The following PCDHGA3 variants were observed in gnomAD, a reference collection of about 807,000 sequenced individuals.
PCDHGA3 encodes protocadherin gamma-A3.
In PCDHGA3, 40 loss-of-function variants were observed where a neutral mutation model predicts 58.5. The ratio of observed to expected loss-of-function variants is 0.68; its 90% CI spans 0.53 to 0.89. PCDHGA3 has a LOEUF of 0.89. Ranked by LOEUF, PCDHGA3 falls within the 40% of genes least tolerant of loss-of-function variation. The pLI, the probability that PCDHGA3 is intolerant of heterozygous loss-of-function variation, is 0.00. For synonymous variants in PCDHGA3, 530 were observed against 525.7 expected, an observed-to-expected ratio of 1.01 and a Z score of -0.11; for missense variants, 1,223 against 1,195.9, an observed-to-expected ratio of 1.02 and a Z score of -0.33.
At chr5:141,504,135 C>G (rs758903340) in intron 2 of PCDHGA3, among the ~76,000 whole-genome samples, 215 of 152,306 alleles carry the variant, frequency 1.4e-3, no homozygotes, top group Middle Eastern at 3.4e-3. Context: ...CCCGCCAACA[C>G]TCCCCTGCAA....
intron 1 of PCDHGA3, among the ~76,000 whole-genome samples, chr5:141,434,824 A>ACTTG (rs1561875192): frequency 1.3e-5 from 2 of 151,888 alleles, no homozygotes; most frequent in African/African-American, 4.8e-5. Flanking sequence ...CCCTTAGTAC[A>ACTTG]CTTGGCATTT....
At chr5:141,495,164 C>T (rs1326419591) in intron 2 of PCDHGA3, among the ~76,000 whole-genome samples, 4 of 152,198 alleles carry the variant, frequency 2.6e-5, no homozygotes, top group Admixed American at 1.3e-4. Context: ...AAGCTGGTCT[C>T]TGGGTGAAAG....
chr5:141,345,412 A>T lies in PCDHGA3; in HGVS notation c.1379A>T (p.Tyr460Phe), dbSNP rs887313352. The T allele has an allele frequency of 3.1e-6, 5 of 1,614,026 alleles. No individual in the cohort carries two copies. In the South Asian group the frequency reaches 5.5e-5, roughly 18 times the overall value. ...PTFPHLSYSA[Y>F]IPENNPRGAS... Reference sequence around the variant, plus strand: ...TTCCCTCATTTATCCTACTCCGCCTACATTCCAGAAAACAACCCCAGAGGA... The same window carrying T: ...TTCCCTCATTTATCCTACTCCGCCTTCATTCCAGAAAACAACCCCAGAGGA... The change falls in exon 1 of 4, where the codon TAC becomes TTC. Residue 460 changes from tyrosine (Y) to phenylalanine (F), a missense_variant. Around this residue, in one of 3 missense-constraint regions of PCDHGA3, gnomAD observed 791 missense variants for 708.5 expected, o/e 1.12. Transcript: ENST00000253812.
In PCDHGA3 at chr5:141,477,070, T is replaced by A; in HGVS notation, c.2425-17737T>A. 6.2e-7 allele frequency: 1 copy of A among 1,613,342 alleles called. No individual in the cohort carries two copies. The highest frequency in any genetic ancestry group is 8.5e-7 in the Non-Finnish European group (1 of 1,179,244). ...TGGACTTCGAGGACACCAAACTCCATGAGATTTACATCCAGGCCAAAGACA... is the reference window on the plus strand; with the variant it reads ...TGGACTTCGAGGACACCAAACTCCAAGAGATTTACATCCAGGCCAAAGACA... On this transcript the variant is annotated intron_variant, in intron 1 of 3. Coordinates refer to ENST00000253812, the MANE Select transcript of PCDHGA3 (RefSeq NM_018916.4). The surrounding 1 kb of genome is among the most constrained non-coding windows in gnomAD (Gnocchi z 4.9).
chr5:141,505,277 G>A, intron 2 of PCDHGA3, 116 bp from the exon 3 acceptor site: 1 of 1,539,958 alleles, frequency 6.5e-7, no homozygotes, highest in African/African-American at 1.4e-5. Context: ...AGAGAAACAG[G>A]TCTTGGGCAT....
Position 141,511,669 on chromosome 5 carries a change from T to C in PCDHGA3, c.*496T>C, listed in dbSNP as rs1468492336. 1 of 199,424 alleles carries C rather than the reference T, an allele frequency of 5.0e-6. No individual in the cohort carries two copies. The highest frequency in any genetic ancestry group is 2.3e-5 in the African/African-American group (1 of 43,748). The allele number at this position is 199,424 out of a possible 1,614,324, so 12.4% of individuals were successfully genotyped here. ...TCTTGGCCTCTCCTTTGATTCTCAA[T>C]CTTCCCCCAAAGCATGGTTTGGTGC... On this transcript the variant is annotated 3_prime_UTR_variant, in exon 4 of 4. Coordinates refer to ENST00000253812, the MANE Select transcript of PCDHGA3 (RefSeq NM_018916.4).
intron 1 of PCDHGA3, chr5:141,393,689 C>G (rs2150535299): frequency 6.2e-7 from 1 of 1,613,890 alleles, no homozygotes; most frequent in Middle Eastern, 1.7e-4. Context: ...CTCCGTTATT[C>G]CAGCTTAATG....
rs534304763 is a variant in PCDHGA3 at position 141,394,533 on chromosome 5, G to A, written c.2424+48076G>A. On this transcript the variant is annotated intron_variant, in intron 1 of 3. Transcript: ENST00000253812. The stretch of plus-strand genomic sequence containing the variant: ...CGCCCTCCCCACAGACGGTTCCACT[G>A]GCGTGGAGCTGGCGCCCCGCTCCGC... The A allele has an allele frequency of 2.1e-5, 34 of 1,614,210 alleles. 1 individual carries two copies. In the South Asian group the frequency reaches 3.0e-4, roughly 14 times the overall value.
intron 1 of PCDHGA3, chr5:141,366,262 G>A: frequency 6.2e-7 from 1 of 1,613,718 alleles, no homozygotes; most frequent in Non-Finnish European, 8.5e-7. Flanking sequence ...GCCTCGTGGT[G>A]GCCGTCGAAG....
At chr5:141,360,525 C>T in intron 1 of PCDHGA3, 1 of 1,613,772 alleles carries the variant, frequency 6.2e-7, no homozygotes, top group African/African-American at 1.3e-5. Flanking sequence ...ATGATAATAC[C>T]CCGCTATTCA....
chr5:141,346,787 T>C (rs1234122694), intron 1 of PCDHGA3, among the ~76,000 whole-genome samples: 1 of 152,248 alleles, frequency 6.6e-6, no homozygotes, highest in Non-Finnish European at 1.5e-5. Context: ...TGAGTAACTA[T>C]GATGAGAGAA....
intron 1 of PCDHGA3, chr5:141,468,629 G>A (rs1170355107): frequency 1.3e-5 from 2 of 152,140 alleles, no homozygotes; most frequent in African/African-American, 4.8e-5. Flanking sequence ...CACTTTGGGA[G>A]GCCGAGGTGG....
At chr5:141,391,890 G>A (rs2092437971) in intron 1 of PCDHGA3, 1 of 152,182 alleles carries the variant, frequency 6.6e-6, no homozygotes, top group Non-Finnish European at 1.5e-5. Context: ...AAAGGGATGG[G>A]ATGGAGCTTT....
intron 2 of PCDHGA3, among the ~76,000 whole-genome samples, chr5:141,495,623 C>T (rs990126072): frequency 3.3e-5 from 5 of 152,208 alleles, no homozygotes; most frequent in South Asian, 2.1e-4. Context: ...GCACCTCAGC[C>T]TCAGTCCCTT....
intron 1 of PCDHGA3, chr5:141,430,875 T>A (rs1323872183): frequency 6.3e-7 from 1 of 1,599,400 alleles, no homozygotes; most frequent in Non-Finnish European, 8.5e-7. Context: ...CCGGAAGAGC[T>A]GGAGAAAGGC....
rs551482869 is a variant in PCDHGA3, at chr5:141,372,722, A to G, written c.2424+26265A>G. On this transcript the variant is annotated intron_variant, in intron 1 of 3. Coordinates refer to ENST00000253812, the MANE Select transcript of PCDHGA3 (RefSeq NM_018916.4). ...TCAATATAAAGGCTGAAAATGCTGCACCACAAGATCTTCTATGTGATGAAG... is the reference window on the plus strand; with the variant it reads ...TCAATATAAAGGCTGAAAATGCTGCGCCACAAGATCTTCTATGTGATGAAG... The G allele has an allele frequency of 2.5e-6, 4 of 1,613,930 alleles. 1 individual carries two copies. In the South Asian group the frequency reaches 4.4e-5, roughly 18 times the overall value.
chr5:141,357,569 C>G, intron 1 of PCDHGA3: 1 of 1,614,208 alleles, frequency 6.2e-7, no homozygotes, highest in Non-Finnish European at 8.5e-7. Context: ...AAAAGCGAGC[C>G]TCTTCTGATA....
chr5:141,424,799 A>G (rs552155487), intron 1 of PCDHGA3: 90 of 152,274 alleles, frequency 5.9e-4, no homozygotes, highest in African/African-American at 2.1e-3. Context: ...ATTCAGACCA[A>G]CTTGTTATTG....
At chr5:141,387,707 C>A (rs1441500005) in intron 1 of PCDHGA3, 1 of 994,952 alleles carries the variant, frequency 1.0e-6, no homozygotes, top group Non-Finnish European at 1.5e-6. Flanking sequence ...CAGGGCAGCC[C>A]CAGCTCAGAC....
Sources: gnomAD v4.1 joint callset for allele counts (sites outside exome capture counted in the v4.1 genomes callset) on GRCh38, gnomAD v4.1.1 for gene constraint, gnomAD v4.1.1 regional missense constraint, Gnocchi (gnomAD v3.1) non-coding constraint, MANE v1.5 for transcripts, NCBI Gene and HGNC (gene_info 2026-07-23, HGNC 2026-07-21) for gene names.